Variants in CCDC102B observed in about 807,000 individuals in gnomAD.
CCDC102B encodes the protein coiled-coil domain containing 102B, also known as coiled-coil domain-containing protein 102B.
In CCDC102B, 75 loss-of-function variants were observed where a neutral mutation model predicts 57.4. The ratio of observed to expected loss-of-function variants is 1.31; its 90% CI spans 1.08 to 1.58. The LOEUF is 1.58. Among genes scored for constraint, CCDC102B ranks in the 40% most tolerant of loss-of-function variants. CCDC102B has a pLI of 0.00. For missense variants in CCDC102B, 636 were observed against 582.6 expected, an observed-to-expected ratio of 1.09 and a Z score of -0.94; for synonymous variants, 206 against 201.9, an observed-to-expected ratio of 1.02 and a Z score of -0.17.
At chr18:68,830,191 A>G (rs955287498) in intron 1 of CCDC102B, among the ~76,000 whole-genome samples, 1 of 152,008 alleles carries the variant, frequency 6.6e-6, no homozygotes, top group African/African-American at 2.4e-5. Flanking sequence ...TGATGTTTAC[A>G]TAGTAATGTA....
intron 7 of CCDC102B, among the ~76,000 whole-genome samples, chr18:69,050,166 A>ACTGTTTGC (rs2052669897): frequency 6.6e-6 from 1 of 152,122 alleles, no homozygotes; most frequent in Non-Finnish European, 1.5e-5. Context: ...TGAAGGAGCA[A>ACTGTTTGC]ATTACAGACA....
chr18:68,986,681 AG>A (rs149773106), intron 6 of CCDC102B, among the ~76,000 whole-genome samples: 1,611 of 152,176 alleles, frequency 0.011, 38 homozygotes, highest in African/African-American at 0.037. Context: ...TACCACCAAA[AG>A]TCTCCTAGAA....
In CCDC102B at chr18:68,765,378, AAAAG is replaced by A. The variant is rs1361605618; in HGVS notation, c.-67+48796_-67+48799del. On this transcript the variant is annotated intron_variant, in intron 2 of 3. Transcript: ENST00000578970. The stretch of plus-strand genomic sequence containing the variant: ...GAAAGAAAGAAAGAAAGAAAGAAAG[AAAAG>A]AAAGAAAGAAAAGAAAGGAAGGAAG... 7.9e-4 allele frequency among the ~76,000 whole-genome samples: 105 copies of A among 132,582 alleles called. 2 individuals carry two copies. The highest frequency in any genetic ancestry group is 2.6e-3 in the African/African-American group (91 of 34,692). 87.0% of individuals were successfully genotyped at this position (132,582 alleles called of 152,430 possible).
At chr18:69,053,036 C>A (rs1055680024) in intron 7 of CCDC102B, among the ~76,000 whole-genome samples, 8 of 151,864 alleles carry the variant, frequency 5.3e-5, no homozygotes, top group East Asian at 1.9e-4. Context: ...GTCTTGGAAC[C>A]AATCTCCTGT....
intron 6 of CCDC102B, among the ~76,000 whole-genome samples, chr18:68,976,516 C>A (rs2050441588): frequency 1.3e-5 from 2 of 151,948 alleles, no homozygotes; most frequent in Non-Finnish European, 2.9e-5. Flanking sequence ...CTTTGCACAT[C>A]CCCGATTATT....
At chr18:69,008,024 A>T (rs1170731357) in intron 6 of CCDC102B, among the ~76,000 whole-genome samples, 2 of 152,254 alleles carry the variant, frequency 1.3e-5, no homozygotes, top group East Asian at 3.8e-4. Flanking sequence ...GCACAAGGTC[A>T]TGTAATTGTA....
chr18:69,013,515 A>G (rs2051577663), intron 7 of CCDC102B, among the ~76,000 whole-genome samples: 1 of 152,208 alleles, frequency 6.6e-6, no homozygotes, highest in Non-Finnish European at 1.5e-5. Context: ...TGCACCCCAT[A>G]TATTTGTTCA....
chr18:69,038,997 C>T (rs965600778), intron 7 of CCDC102B, among the ~76,000 whole-genome samples: 25 of 152,064 alleles, frequency 1.6e-4, no homozygotes, highest in Admixed American at 1.6e-3. Context: ...ATTAGCAAAG[C>T]CCTCGCATAT....
intron 4 of CCDC102B, among the ~76,000 whole-genome samples, chr18:68,852,246 C>T (rs1435353355): frequency 6.6e-6 from 1 of 152,116 alleles, no homozygotes; most frequent in Non-Finnish European, 1.5e-5. Flanking sequence ...TCTTCCCACT[C>T]ATTTTTTTTC....
downstream of CCDC102B, among the ~76,000 whole-genome samples, chr18:69,056,718 GAGAC>G (rs549345678): frequency 6.5e-4 from 98 of 150,892 alleles, 1 homozygote; most frequent in African/African-American, 2.2e-3. Context: ...GATAGAGATA[GAGAC>G]AGACAGACGA....
At chr18:68,949,396 G>A (rs1012988030) in intron 6 of CCDC102B, among the ~76,000 whole-genome samples, 1 of 152,072 alleles carries the variant, frequency 6.6e-6, no homozygotes, top group African/African-American at 2.4e-5. Context: ...CAATAGAAAC[G>A]AGGCAATGAT....
chr18:68,733,478 T>TTTTATATATATATATATATATA (rs1555695149), intron 2 of CCDC102B, among the ~76,000 whole-genome samples: 1 of 25,130 alleles, frequency 4.0e-5, no homozygotes, highest in Non-Finnish European at 8.6e-5. Context: ...TTAGACAACT[T>TTTTATATATATATATATATATA]TATATATATA....
intron 6 of CCDC102B, among the ~76,000 whole-genome samples, chr18:68,919,362 C>T (rs1178333697): frequency 6.6e-6 from 1 of 152,228 alleles, no homozygotes; most frequent in African/African-American, 2.4e-5. Flanking sequence ...CAGGCTTTAA[C>T]ATGGTAATAC....
chr18:68,934,873 A>T (rs1156660692), intron 6 of CCDC102B, among the ~76,000 whole-genome samples: 5 of 151,966 alleles, frequency 3.3e-5, no homozygotes, highest in Non-Finnish European at 7.4e-5. Context: ...GGTACGTTTC[A>T]ATTAAAAAAA....
upstream of CCDC102B, among the ~76,000 whole-genome samples, chr18:68,794,898 T>C (rs1306708719): frequency 6.6e-6 from 1 of 152,052 alleles, no homozygotes; most frequent in Non-Finnish European, 1.5e-5. Flanking sequence ...ACCTTCTCCA[T>C]TTTCTGACCC....
intron 1 of CCDC102B, among the ~76,000 whole-genome samples, chr18:68,815,712 C>T (rs1056869170): frequency 7.9e-6 from 1 of 126,136 alleles, no homozygotes. Flanking sequence ...ACACACTGAA[C>T]TCTGGTTTTC....
At chr18:68,768,270 A>G (rs564392897) in intron 2 of CCDC102B, among the ~76,000 whole-genome samples, 30 of 152,350 alleles carry the variant, frequency 2.0e-4, no homozygotes, top group African/African-American at 7.0e-4. Context: ...TATCATAGGG[A>G]CAGTAGTTAT....
chr18:68,966,404 C>T lies in CCDC102B; in HGVS notation c.1264-44530C>T, dbSNP rs952898471. ...GTAGATACAGAAGTAAATACATATA[C>T]GACAAGAGATCAGTGTGTGAGTTAG... On this transcript the variant is annotated intron_variant, in intron 6 of 7. Coordinates refer to ENST00000360242, the MANE Select transcript of CCDC102B (RefSeq NM_024781.3). 7.9e-5 allele frequency among the ~76,000 whole-genome samples: 12 copies of T among 152,070 alleles called. No individual in the cohort carries two copies. In the South Asian group the frequency reaches 1.2e-3, roughly 16 times the overall value.
intron 2 of CCDC102B, among the ~76,000 whole-genome samples, chr18:68,761,360 T>C (rs1214619075): frequency 6.6e-6 from 1 of 152,092 alleles, no homozygotes; most frequent in Non-Finnish European, 1.5e-5. Context: ...ATATTCTATA[T>C]AAGTTTCTGG....
Sources: gnomAD v4.1 joint callset for allele counts (sites outside exome capture counted in the v4.1 genomes callset) on GRCh38, gnomAD v4.1.1 for gene constraint, MANE v1.5 for transcripts, NCBI Gene and HGNC (gene_info 2026-07-23, HGNC 2026-07-21) for gene names.